The following EMILIN2 variants were observed in gnomAD, a reference collection of about 807,000 sequenced individuals.
The protein encoded by EMILIN2 is EMILIN-2.
In EMILIN2, 71 loss-of-function variants were observed where a neutral mutation model predicts 87.1. That is an observed-to-expected ratio of 0.82 (90% confidence interval 0.67 to 0.99). The LOEUF is 0.99. Among genes scored for constraint, EMILIN2 ranks in the 50% least tolerant of loss-of-function variants. The pLI is 0.00. For synonymous variants in EMILIN2, 581 were observed against 563.4 expected, an observed-to-expected ratio of 1.03 and a Z score of -0.44; for missense variants, 1,407 against 1,371.8, an observed-to-expected ratio of 1.03 and a Z score of -0.40.
At chr18:2,910,680 C>T (rs1443629951) in intron 7 of EMILIN2, among the ~76,000 whole-genome samples, 1 of 151,080 alleles carries the variant, frequency 6.6e-6, no homozygotes, top group East Asian at 2.0e-4. Flanking sequence ...CCTTGCCACC[C>T]ATAAGCCACT....
At chr18:2,876,183 A>G (rs1040288948) in intron 2 of EMILIN2, among the ~76,000 whole-genome samples, 2 of 151,448 alleles carry the variant, frequency 1.3e-5, no homozygotes, top group Non-Finnish European at 1.5e-5. Flanking sequence ...GGGTTTCACA[A>G]TGTTAGCCAG....
At chr18:2,858,583 G>GCATATA (rs2076643276) in intron 2 of EMILIN2, among the ~76,000 whole-genome samples, 9 of 63,036 alleles carry the variant, frequency 1.4e-4, no homozygotes, top group South Asian at 5.9e-4. Context: ...GTGTGTGTGT[G>GCATATA]TATATATATA....
intron 2 of EMILIN2, among the ~76,000 whole-genome samples, chr18:2,877,896 C>T: frequency 6.6e-6 from 1 of 152,172 alleles, no homozygotes; most frequent in Non-Finnish European, 1.5e-5. Flanking sequence ...TTCTGACACA[C>T]TGTGACCTGG....
At chr18:2,888,972 A>T (rs2076817287) in intron 3 of EMILIN2, among the ~76,000 whole-genome samples, 1 of 152,126 alleles carries the variant, frequency 6.6e-6, no homozygotes, top group East Asian at 1.9e-4. Flanking sequence ...AATGTTTTCC[A>T]GTGTAATATA....
At chr18:2,867,086 G>A (rs2076690204) in intron 2 of EMILIN2, among the ~76,000 whole-genome samples, 1 of 152,102 alleles carries the variant, frequency 6.6e-6, no homozygotes, top group Non-Finnish European at 1.5e-5. Context: ...TATGCTGTTG[G>A]TTTGGTTAGC....
At position 2,891,695 on chromosome 18, in the gene EMILIN2, C is replaced by A. The variant is rs1437383014; in HGVS notation, c.1568C>A (p.Ala523Asp). The change falls in exon 4 of 8, where the codon GCC becomes GAC. Residue 523 changes from alanine to aspartate, a missense_variant. Physicochemically the swap from Ala to Asp is moderately radical, Grantham distance 126. Coordinates refer to ENST00000254528, the MANE Select transcript of EMILIN2 (RefSeq NM_032048.3). This position sits in a 1 kb window ranked among gnomAD's most constrained non-coding sequence, Gnocchi z 4.6. ...GAGCTCAGTCCCCCAGGGGCAGCAG[C>A]CCTGCCAGGAGTGTCAGGGTCAGGA... Reference protein sequence around the residue: ...GAELSPPGAAALPGVSGSGDE... With the variant: ...GAELSPPGAADLPGVSGSGDE... 4 of 1,613,988 alleles carry A rather than the reference C, an allele frequency of 2.5e-6. No homozygotes were observed. Among genetic ancestry groups the A allele is most frequent in the Non-Finnish European group, 8.5e-7 (1 of 1,180,028 alleles).
chr18:2,873,570 G>A (rs71356077), intron 2 of EMILIN2, among the ~76,000 whole-genome samples: 10,436 of 151,622 alleles, frequency 0.069, 462 homozygotes, highest in African/African-American at 0.1. Flanking sequence ...AGCCGGGCGT[G>A]GTGGCGGGCG....
In EMILIN2 at chr18:2,892,278, C is replaced by G; in HGVS notation, c.2151C>G (p.Asp717Glu). 1 of 1,614,108 alleles carries G rather than the reference C, an allele frequency of 6.2e-7. No individual in the cohort carries two copies. Among genetic ancestry groups the G allele is most frequent in the South Asian group, 1.1e-5 (1 of 91,078 alleles). Residue 717 changes from aspartate (D) to glutamate (E), a missense_variant, in exon 4 of 8, where the codon GAC becomes GAG. By Grantham distance (45) the Asp-to-Glu change is conservative. Transcript: ENST00000254528. ...SHMEKTCSKL[D>E]SISGNLQRIK... ...TGGAGAAAACTTGCAGCAAGCTGGACTCTATCTCAGGAAATCTTCAGAGGA... is the reference window on the plus strand; with the variant it reads ...TGGAGAAAACTTGCAGCAAGCTGGAGTCTATCTCAGGAAATCTTCAGAGGA...
rs1598506193 is a variant in EMILIN2 at position 2,907,039 on chromosome 18, C to T, written c.2616C>T (p.Thr872=). 4.7e-6 allele frequency: 6 copies of T among 1,289,886 alleles called. No individual in the cohort carries two copies. Among genetic ancestry groups the T allele is most frequent in the Admixed American group, 4.0e-5 (1 of 24,722 alleles). The allele number at this position is 1,289,886 out of a possible 1,614,324, so 79.9% of individuals were successfully genotyped here. A position where few individuals can be genotyped will look rare whatever the true frequency, so the allele number is the denominator to read the frequency against. Residue 872 remains threonine (T), a synonymous_variant, in exon 5 of 8, where the codon ACC becomes ACT. Transcript: ENST00000254528. ...RGLPRGVDGQ[T]GSGTVPGAEG... ...TGCCGCGGGGCGTGGACGGCCAGAC[C>T]GGGAGCGGCACCGTCCCCGGCGCAG...
chr18:2,872,589 T>A (rs2076725601), intron 2 of EMILIN2, among the ~76,000 whole-genome samples: 1 of 152,172 alleles, frequency 6.6e-6, no homozygotes, highest in African/African-American at 2.4e-5. Flanking sequence ...ATACAGTAGG[T>A]TCTAGTTAAA....
intron 2 of EMILIN2, among the ~76,000 whole-genome samples, chr18:2,850,740 G>T (rs577152220): frequency 1.3e-5 from 2 of 152,260 alleles, no homozygotes; most frequent in South Asian, 4.1e-4. Flanking sequence ...ACGCATTTCT[G>T]CAGTTGAGAG....
chr18:2,861,514 G>C (rs560916689), intron 2 of EMILIN2, among the ~76,000 whole-genome samples: 92 of 152,242 alleles, frequency 6.0e-4, no homozygotes, highest in African/African-American at 1.7e-3. Flanking sequence ...GCTTGTTTTT[G>C]TCAGGTTTGT....
Position 2,913,575 on chromosome 18 carries a change from C to A in EMILIN2, c.*171C>A, listed in dbSNP as rs1436344785. ...CCATGCCTTACTGCATCCAGCCAGG[C>A]TGCAGGGAGTGAGGCACACGGTGAA... On this transcript the variant is annotated 3_prime_UTR_variant, in exon 8 of 8. Coordinates refer to ENST00000254528, the MANE Select transcript of EMILIN2 (RefSeq NM_032048.3). 12 of 596,666 alleles carry A rather than the reference C, an allele frequency of 2.0e-5. No homozygotes were observed. The African/African-American group carries it at 2.1e-4, about 10-fold the overall frequency. 37.0% of individuals were successfully genotyped at this position (596,666 alleles called of 1,614,324 possible). A position where few individuals can be genotyped will look rare whatever the true frequency, so the allele number is the denominator to read the frequency against.
chr18:2,847,223 C>T lies in EMILIN2; in HGVS notation c.35C>T (p.Pro12Leu), dbSNP rs1382042969. ...WQPRRPWPRV[P>L]WRWALALLAL... The stretch of plus-strand genomic sequence containing the variant: ...CCCAGACGGCCCTGGCCCCGCGTGC[C>T]CTGGCGCTGGGCGCTGGCGCTGCTG... Residue 12 changes from proline (P) to leucine (L), a missense_variant, in exon 1 of 8, where the codon CCC becomes CTC. Coordinates refer to ENST00000254528, the MANE Select transcript of EMILIN2 (RefSeq NM_032048.3). This position sits in a 1 kb window ranked among gnomAD's most constrained non-coding sequence, Gnocchi z 4.5. 7 of 1,253,690 alleles carry T rather than the reference C, an allele frequency of 5.6e-6. No homozygotes were observed. Among genetic ancestry groups the T allele is most frequent in the Non-Finnish European group, 7.0e-6 (7 of 1,000,388 alleles). 77.7% of individuals were successfully genotyped at this position (1,253,690 alleles called of 1,614,324 possible).
Position 2,914,185 on chromosome 18 carries a change from A to T in EMILIN2, c.*781A>T, listed in dbSNP as rs1366563416. ...GGGCTACAGAAAGTAACCTTGAGTA[A>T]AATTAATCTCAGCTACAAAACTGTT... On this transcript the variant is annotated 3_prime_UTR_variant, in exon 8 of 8. Coordinates refer to ENST00000254528, the MANE Select transcript of EMILIN2 (RefSeq NM_032048.3). 6.6e-6 allele frequency: 1 copy of T among 152,514 alleles called. No individual in the cohort carries two copies. Among genetic ancestry groups the T allele is most frequent in the African/African-American group, 2.4e-5 (1 of 41,462 alleles). The allele number at this position is 152,514 out of a possible 1,614,324, so 9.4% of individuals were successfully genotyped here.
At chr18:2,863,487 C>T (rs2076671525) in intron 2 of EMILIN2, among the ~76,000 whole-genome samples, 1 of 152,156 alleles carries the variant, frequency 6.6e-6, no homozygotes, top group African/African-American at 2.4e-5. Context: ...ACCCAGTAGT[C>T]ATTCAGGAGC....
chr18:2,860,525 A>T (rs2076655578), intron 2 of EMILIN2, among the ~76,000 whole-genome samples: 1 of 152,062 alleles, frequency 6.6e-6, no homozygotes. Flanking sequence ...GCTGAGAATG[A>T]TGGTTTCCAG....
chr18:2,909,944 G>A (rs1469541981), intron 7 of EMILIN2, 125 bp downstream of exon 7: 1 of 1,351,648 alleles, frequency 7.4e-7, no homozygotes, highest in Admixed American at 2.5e-5. Flanking sequence ...CCCTGGAGCA[G>A]ATGCCCGAGT....
At position 2,884,997 on chromosome 18, in the gene EMILIN2, T is replaced by C. The variant is rs1284063252; in HGVS notation, c.291T>C (p.Thr97=). The change falls in exon 3 of 8, where the codon ACT becomes ACC. Residue 97 remains threonine, a synonymous_variant. Coordinates refer to ENST00000254528, the MANE Select transcript of EMILIN2 (RefSeq NM_032048.3). The part of the protein sequence containing the change: ...YRVNFRPRYV[T]RYKTVTQLEW... ...TGAACTTCAGACCTAGATATGTCACTAGGTATAAGACAGTGACACAGTTGG... is the reference window on the plus strand; with the variant it reads ...TGAACTTCAGACCTAGATATGTCACCAGGTATAAGACAGTGACACAGTTGG... 2 of 1,607,696 alleles carry C rather than the reference T, an allele frequency of 1.2e-6. No homozygotes were observed. The highest frequency in any genetic ancestry group is 3.4e-5 in the Admixed American group (2 of 59,012).
Sources: allele counts gnomAD v4.1 joint callset (sites outside exome capture counted in the v4.1 genomes callset), GRCh38; gene constraint gnomAD v4.1.1; non-coding constraint Gnocchi (gnomAD v3.1); transcripts MANE v1.5; gene names NCBI Gene and HGNC (gene_info 2026-07-23, HGNC 2026-07-21).